Variants in ORC3 observed in about 807,000 individuals in gnomAD.
ORC3 encodes the protein origin recognition complex subunit 3.
In ORC3, 78 loss-of-function variants were observed where a neutral mutation model predicts 100.7. The ratio of observed to expected loss-of-function variants is 0.77; its 90% confidence interval spans 0.65 to 0.94. The LOEUF (loss-of-function observed/expected upper bound fraction) is 0.94. Among genes scored for constraint, ORC3 ranks in the 40% least tolerant of loss-of-function variants. The pLI is 0.00. For missense variants in ORC3, 789 were observed against 823.9 expected, an observed-to-expected ratio of 0.96 and a Z score of 0.52; for synonymous variants, 295 against 289.3, an observed-to-expected ratio of 1.02 and a Z score of -0.20.
At chr6:87,676,933 C>T in the ORC3 span, among the ~76,000 whole-genome samples, 3 of 150,454 alleles carry the variant, frequency 2.0e-5, no homozygotes, top group Admixed American at 6.6e-5. Context: ...GAAAATTAGC[C>T]GGGCATGGTG....
At chr6:87,671,550 C>G (rs1162841518), downstream of ORC3, among the ~76,000 whole-genome samples, 1 of 151,618 alleles carries the variant, frequency 6.6e-6, no homozygotes, top group African/African-American at 2.4e-5. Context: ...AAGATGAGTA[C>G]TAAGAGAGGA....
At chr6:87,614,200 G>T (rs1778986533) in intron 8 of ORC3, among the ~76,000 whole-genome samples, 1 of 152,208 alleles carries the variant, frequency 6.6e-6, no homozygotes, top group Non-Finnish European at 1.5e-5. Context: ...TGTGGAAGCT[G>T]CCAGGGCTTG....
Position 87,657,981 on chromosome 6 carries a change from A to G in ORC3, c.1654A>G (p.Arg552Gly), listed in dbSNP as rs142321378. 5.0e-6 allele frequency: 8 copies of G among 1,606,264 alleles called. No individual in the cohort carries two copies. The highest frequency in any genetic ancestry group is 6.8e-6 in the Non-Finnish European group (8 of 1,173,080). The stretch of plus-strand genomic sequence containing the variant: ...GAAGCAAACCAAATTTGAAGTACTC[A>G]GAGAAAATGTTGTGAACTTCATTGA... ...SKKQTKFEVL[R>G]ENVVNFIDCL... Residue 552 changes from arginine to glycine, a missense_variant, in exon 16 of 20, where the codon AGA becomes GGA. Physicochemically the swap from Arg to Gly is moderately radical, Grantham distance 125. Around this residue, in one of 3 missense-constraint regions of ORC3, gnomAD observed 366 missense variants for 394.2 expected, o/e 0.93. Coordinates refer to ENST00000392844, the MANE Select transcript of ORC3 (RefSeq NM_012381.4).
intron 17 of ORC3, among the ~76,000 whole-genome samples, chr6:87,664,147 G>A (rs1582093362): frequency 6.6e-6 from 1 of 152,014 alleles, no homozygotes; most frequent in Non-Finnish European, 1.5e-5. Flanking sequence ...TTGTCTTTGG[G>A]TGGGATATAT....
rs1447822569 is a variant in ORC3, at chr6:87,594,408, G to A, written c.79+1G>A. On this transcript the variant is annotated splice_donor_variant, in intron 2 of 19. Transcript: ENST00000392844. LOFTEE classifies it high-confidence loss of function. ...AAGAGAAAGATCTCTCTGCCAATAG[G>A]TAAGGTGTCTGAATATTAAATTTTT... The A allele has an allele frequency of 4.4e-6, 7 of 1,576,286 alleles. No individual in the cohort carries two copies. In the East Asian group the frequency reaches 1.3e-4, roughly 30 times the overall value.
At chr6:87,614,478 A>G (rs1779013743) in intron 8 of ORC3, among the ~76,000 whole-genome samples, 1 of 152,228 alleles carries the variant, frequency 6.6e-6, no homozygotes, top group African/African-American at 2.4e-5. Flanking sequence ...AAATTTCTGC[A>G]GCTGACTTGA....
intron 14 of ORC3, among the ~76,000 whole-genome samples, chr6:87,655,779 G>A (rs1769640017): frequency 6.6e-6 from 1 of 151,782 alleles, no homozygotes; most frequent in South Asian, 2.1e-4. Flanking sequence ...TGGGATTATA[G>A]GAATGAGGCA....
chr6:87,661,872 A>G (rs918047076), intron 16 of ORC3, among the ~76,000 whole-genome samples: 1 of 152,164 alleles, frequency 6.6e-6, no homozygotes, highest in Non-Finnish European at 1.5e-5. Flanking sequence ...GCCACCCTCC[A>G]GGCATCCAGT....
downstream of ORC3, among the ~76,000 whole-genome samples, chr6:87,667,857 A>T (rs933944572): frequency 1.3e-5 from 2 of 152,030 alleles, no homozygotes; most frequent in Non-Finnish European, 2.9e-5. Flanking sequence ...CGAACCCGGG[A>T]GGCGGAGGTT....
chr6:87,591,385 G>C (rs1183763115), intron 1 of ORC3, among the ~76,000 whole-genome samples: 2 of 132,304 alleles, frequency 1.5e-5, no homozygotes, highest in East Asian at 2.1e-4. Flanking sequence ...TGATTAAAAC[G>C]GTTTATGAGA....
rs1256416643 is a variant in ORC3 at position 87,614,983 on chromosome 6, T to C, written c.874-1331T>C. On this transcript the variant is annotated intron_variant, in intron 8 of 19. Transcript: ENST00000392844. ...TCTTTTCAGCAGTGCCCCACTCTAC[T>C]GGTACCAATTTACTGTATTAGTCTG... is the stretch of plus-strand genomic sequence containing the variant. Among the ~76,000 whole-genome samples, 3 of 152,196 alleles carry C rather than the reference T, an allele frequency of 2.0e-5. No homozygotes were observed. The East Asian group carries it at 5.8e-4, about 29-fold the overall frequency.
intron 11 of ORC3, among the ~76,000 whole-genome samples, chr6:87,629,328 A>G (rs777853865): frequency 5.9e-5 from 9 of 152,230 alleles, no homozygotes; most frequent in African/African-American, 1.9e-4. Flanking sequence ...TCATTTTTAC[A>G]TACTTTATTT....
Position 87,622,858 on chromosome 6 carries a change from A to T in ORC3, c.1185+845A>T, listed in dbSNP as rs77263209. On this transcript the variant is annotated intron_variant, in intron 11 of 19. Coordinates refer to ENST00000392844, the MANE Select transcript of ORC3 (RefSeq NM_012381.4). ...GTACTGAAGAGTGACATAGTAGTCT[A>T]TTGAATTAATGTACCTTTTTTAAGA... Among the ~76,000 whole-genome samples, 1,390 of 152,300 alleles carry T rather than the reference A, an allele frequency of 9.1e-3. 21 individuals carry two copies. The highest frequency in any genetic ancestry group is 0.031 in the African/African-American group (1,295 of 41,570).
chr6:87,668,617 G>A (rs1443719192), downstream of ORC3, among the ~76,000 whole-genome samples: 1 of 152,166 alleles, frequency 6.6e-6, no homozygotes, highest in African/African-American at 2.4e-5. Flanking sequence ...CTCTGGCAGC[G>A]TGGTGGGCTG....
At chr6:87,609,458 G>T in intron 7 of ORC3, 1 of 375,214 alleles carries the variant, frequency 2.7e-6, no homozygotes. Context: ...GACATGGTAA[G>T]ATAGTATTAA....
chr6:87,615,015 C>T (rs992092672), intron 8 of ORC3, among the ~76,000 whole-genome samples: 2 of 152,186 alleles, frequency 1.3e-5, no homozygotes, highest in African/African-American at 4.8e-5. Context: ...TCTGTTCTCA[C>T]ACCGCTGATA....
chr6:87,599,354 A>ATTATTTATTTATTTATTTATTTAT (rs71021304), intron 2 of ORC3, among the ~76,000 whole-genome samples: 15 of 145,162 alleles, frequency 1.0e-4, no homozygotes, highest in African/African-American at 3.8e-4. Flanking sequence ...TCTTTTTTTT[A>ATTATTTATTTATTTATTTATTTAT]TTATTTATTT....
At chr6:87,665,916 T>A in intron 19 of ORC3, 83 bp downstream of exon 19, 1 of 783,728 alleles carries the variant, frequency 1.3e-6, no homozygotes, top group Non-Finnish European at 2.1e-6. Context: ...CACTAGATAT[T>A]TATAAAGGCG....
chr6:87,606,532 T>G (rs1166235033), intron 5 of ORC3, among the ~76,000 whole-genome samples: 1 of 129,908 alleles, frequency 7.7e-6, no homozygotes, highest in Non-Finnish European at 1.6e-5. Flanking sequence ...TTAAAAAGCT[T>G]TTTTTTTTTT....
Sources: gnomAD v4.1 joint callset for allele counts (sites outside exome capture counted in the v4.1 genomes callset) on GRCh38, gnomAD v4.1.1 for gene constraint, gnomAD v4.1.1 regional missense constraint, MANE v1.5 for transcripts, NCBI Gene and HGNC (gene_info 2026-07-23, HGNC 2026-07-21) for gene names.